The following LAMA3 variants were observed in gnomAD, a reference collection of about 807,000 sequenced individuals.
LAMA3 encodes laminin subunit alpha-3.
Under a neutral mutation model 402.0 loss-of-function variants are expected in LAMA3, and 281 were observed. The observed-to-expected ratio is 0.70, with a 90% confidence interval of 0.63 to 0.77. LAMA3 has a LOEUF of 0.77. Ranked by LOEUF, LAMA3 falls within the 30% of genes least tolerant of loss-of-function variation. LAMA3 has a pLI of 0.00. For missense variants in LAMA3, 3,840 were observed against 4,215.5 expected (o/e 0.91, Z 2.47); for synonymous variants, 1,431 against 1,558.4 (o/e 0.92, Z 1.93).
intron 1 of LAMA3, among the ~76,000 whole-genome samples, chr18:23,707,239 G>A (rs867580009): frequency 3.9e-5 from 6 of 152,156 alleles, no homozygotes; most frequent in African/African-American, 9.7e-5. Context: ...AGAAGGCCTC[G>A]CTAACATACA....
intron 59 of LAMA3, among the ~76,000 whole-genome samples, 155 bp from the exon 60 acceptor site, chr18:23,916,396 T>G (rs1390303772): frequency 6.6e-6 from 1 of 152,200 alleles, no homozygotes. Context: ...GCCTTAACAT[T>G]TTAAAGATGT....
intron 55 of LAMA3, among the ~76,000 whole-genome samples, chr18:23,910,643 G>A (rs1291013788): frequency 6.6e-6 from 1 of 152,138 alleles, no homozygotes; most frequent in Non-Finnish European, 1.5e-5. Flanking sequence ...GCACTAATAA[G>A]TAGCATTAAC....
At chr18:23,787,074 G>A (rs938642122) in intron 12 of LAMA3, among the ~76,000 whole-genome samples, 7 of 152,194 alleles carry the variant, frequency 4.6e-5, no homozygotes, top group African/African-American at 1.7e-4. Context: ...TTGAAGTAAG[G>A]AGTTTGAGAT....
chr18:23,796,976 G>T (rs1237625500), intron 12 of LAMA3, among the ~76,000 whole-genome samples: 1 of 152,186 alleles, frequency 6.6e-6, no homozygotes, highest in Admixed American at 6.5e-5. Context: ...CAGCAGGCAT[G>T]CTTCTGGCCC....
chr18:23,950,734 A>G (rs1020788420), intron 72 of LAMA3, among the ~76,000 whole-genome samples: 1 of 152,212 alleles, frequency 6.6e-6, no homozygotes, highest in Non-Finnish European at 1.5e-5. Context: ...ACAGTTTACT[A>G]AATGTGAGGG....
At chr18:23,861,551 G>A (rs2064221348) in intron 34 of LAMA3, 95 bp from the exon 35 acceptor site, 3 of 1,407,542 alleles carry the variant, frequency 2.1e-6, no homozygotes, top group Non-Finnish European at 3.0e-6. Flanking sequence ...CAAGGAGGCT[G>A]CCCGTGGAGC....
At chr18:23,936,179 C>A (rs1383509214) in intron 67 of LAMA3, among the ~76,000 whole-genome samples, 1 of 36,944 alleles carries the variant, frequency 2.7e-5, no homozygotes. Flanking sequence ...AGGATTCAAA[C>A]TTAAGACTCT....
chr18:23,855,014 T>A (rs555108870), intron 32 of LAMA3, among the ~76,000 whole-genome samples: 70 of 151,750 alleles, frequency 4.6e-4, no homozygotes, highest in East Asian at 5.8e-4. Flanking sequence ...TAAAAAAATT[T>A]AAAAAAATAA....
chr18:23,896,430 G>C (rs982339575), intron 44 of LAMA3, among the ~76,000 whole-genome samples: 2 of 152,182 alleles, frequency 1.3e-5, no homozygotes, highest in Non-Finnish European at 2.9e-5. Flanking sequence ...TTGTGTTACT[G>C]GTTTCTAATT....
At position 23,899,039 on chromosome 18, in the gene LAMA3, T is replaced by C. The variant is rs1052472848; in HGVS notation, c.5810T>C (p.Ile1937Thr). 1.9e-6 allele frequency: 3 copies of C among 1,613,742 alleles called. No homozygotes were observed. The African/African-American group carries it at 4.0e-5, about 22-fold the overall frequency. The change falls in exon 46 of 75, where the codon ATT (isoleucine) becomes ACT (threonine). Residue 1937 changes from isoleucine (I) to threonine (T), a missense_variant. Physicochemically the swap from Ile to Thr is moderately conservative, Grantham distance 89. Around this residue, in one of 3 missense-constraint regions of LAMA3, gnomAD observed 891 missense variants for 857.5 expected, o/e 1.04. Transcript: ENST00000313654. ...TQSAKELDVK[I>T]KNVIRNVHIL... is the part of the protein sequence containing the mutation. Reference sequence around the variant, plus strand: ...AGCGCAAAAGAACTGGATGTGAAGATTAAAAATGTCATCCGGAATGTGCAC... The same window carrying C: ...AGCGCAAAAGAACTGGATGTGAAGACTAAAAATGTCATCCGGAATGTGCAC...
At chr18:23,894,455 T>C in intron 43 of LAMA3, 107 bp downstream of exon 43, 1 of 988,920 alleles carries the variant, frequency 1.0e-6, no homozygotes. Context: ...AAAGTAAGGG[T>C]GGGAGGAGGT....
At chr18:23,944,101 C>T (rs556729295) in intron 69 of LAMA3, 130 bp downstream of exon 69, 132 of 871,286 alleles carry the variant, frequency 1.5e-4, no homozygotes, top group African/African-American at 8.6e-4. Context: ...TGCTTGCAGG[C>T]GCTGCGTTCC....
intron 2 of LAMA3, among the ~76,000 whole-genome samples, chr18:23,729,026 G>A (rs1426384692): frequency 1.9e-4 from 10 of 51,740 alleles, no homozygotes; most frequent in South Asian, 1.3e-3. Flanking sequence ...GCAAGACTCC[G>A]TCTCAAAAAA....
intron 67 of LAMA3, among the ~76,000 whole-genome samples, chr18:23,935,780 T>A (rs1387698565): frequency 6.6e-6 from 1 of 152,164 alleles, no homozygotes; most frequent in Non-Finnish European, 1.5e-5. Flanking sequence ...TTATTATTAC[T>A]ATGCATGCTA....
At chr18:23,864,693 C>T (rs1234866679) in intron 35 of LAMA3, 92 bp from the exon 36 acceptor site, 1 of 833,544 alleles carries the variant, frequency 1.2e-6, no homozygotes, top group Non-Finnish European at 2.1e-6. Context: ...TTTCTTTCCA[C>T]ACCTTGTGTG....
intron 41 of LAMA3, among the ~76,000 whole-genome samples, chr18:23,888,889 G>A (rs988692104): frequency 1.3e-5 from 2 of 149,656 alleles, no homozygotes; most frequent in East Asian, 3.9e-4. Flanking sequence ...TGGAAATATT[G>A]TAATTGACAT....
chr18:23,736,608 T>C (rs2061479338), intron 2 of LAMA3, among the ~76,000 whole-genome samples: 1 of 152,108 alleles, frequency 6.6e-6, no homozygotes, highest in African/African-American at 2.4e-5. Context: ...AAAACTCAAC[T>C]AGTCCCATGT....
chr18:23,691,405 CTAAAAATA>C (rs1418694180), intron 1 of LAMA3, among the ~76,000 whole-genome samples: 3 of 151,818 alleles, frequency 2.0e-5, no homozygotes, highest in Non-Finnish European at 2.9e-5. Context: ...AGAAAAGAAA[CTAAAAATA>C]TAAAATAACA....
In LAMA3 at chr18:23,815,543, T is replaced by A; in HGVS notation, c.2017T>A (p.Leu673Met). The change falls in exon 17 of 75, where the codon TTG becomes ATG. Residue 673 changes from leucine to methionine, a missense_variant. By Grantham distance (15) the Leu-to-Met change is conservative. This residue lies in a region of LAMA3 where 2,109 missense variants were observed against 2,376.0 expected (regional missense o/e 0.89). Transcript: ENST00000313654. Reference protein sequence around the residue: ...CDTCEDGYFALEKSNYFGCQG... With the variant: ...CDTCEDGYFAMEKSNYFGCQG... ...CACCTGTGAAGATGGATATTTTGCT[T>A]TGGAAAAGAGCAATTACTTTGGGTG... is the stretch of plus-strand genomic sequence containing the variant. 6.2e-7 allele frequency: 1 copy of A among 1,614,060 alleles called. No homozygotes were observed. Among genetic ancestry groups the A allele is most frequent in the Non-Finnish European group, 8.5e-7 (1 of 1,179,952 alleles).
Sources: allele counts gnomAD v4.1 joint callset (sites outside exome capture counted in the v4.1 genomes callset), GRCh38; gene constraint gnomAD v4.1.1; regional missense constraint gnomAD v4.1.1; transcripts MANE v1.5; gene names NCBI Gene and HGNC (gene_info 2026-07-23, HGNC 2026-07-21).